The following PCDH11Y variants were observed in gnomAD, a reference collection of about 807,000 sequenced individuals.
PCDH11Y encodes the protein protocadherin-11 Y-linked.
For synonymous variants in PCDH11Y, 9 were observed against 83.6 expected, an observed-to-expected ratio of 0.11 and a Z score of 4.87; for missense variants, 12 against 224.8, an observed-to-expected ratio of 0.05 and a Z score of 6.05.
At chrY:5,639,515 G>A in intron 4 of PCDH11Y, among the ~76,000 whole-genome samples, 1 of 29,376 alleles carries the variant, frequency 3.4e-5, no homozygotes, top group Non-Finnish European at 8.1e-5. Flanking sequence ...CTTTTAAAAT[G>A]TATATACCTT....
At chrY:5,284,564 C>T (rs2124661105) in intron 2 of PCDH11Y, among the ~76,000 whole-genome samples, 2 of 32,562 alleles carry the variant, frequency 6.1e-5, no homozygotes, top group East Asian at 1.6e-3. Context: ...TATGTAGGTG[C>T]TTTCCTTGAT....
At chrY:5,077,036 C>T in intron 1 of PCDH11Y, among the ~76,000 whole-genome samples, 1 of 32,524 alleles carries the variant, frequency 3.1e-5, no homozygotes, top group Non-Finnish European at 7.6e-5. Flanking sequence ...TTTGATTCTT[C>T]TAATCTATGA....
chrY:5,015,197 T>G, intron 1 of PCDH11Y, among the ~76,000 whole-genome samples: 1 of 34,027 alleles, frequency 2.9e-5, no homozygotes, highest in African/African-American at 1.1e-4. Flanking sequence ...CAAACAACCC[T>G]GCGGATTAGC....
At chrY:5,663,885 A>G (rs2124707513) in intron 4 of PCDH11Y, among the ~76,000 whole-genome samples, 2 of 32,247 alleles carry the variant, frequency 6.2e-5, no homozygotes, top group South Asian at 1.4e-3. Context: ...TTTCATTTTA[A>G]CTCAGAAGGT....
intron 2 of PCDH11Y, among the ~76,000 whole-genome samples, chrY:5,180,988 G>A: frequency 3.0e-5 from 1 of 33,224 alleles, no homozygotes; most frequent in Non-Finnish European, 7.4e-5. Context: ...TTGTAGTCTT[G>A]TTTATGTAGT....
chrY:5,147,428 C>A, intron 2 of PCDH11Y, among the ~76,000 whole-genome samples: 3 of 30,108 alleles, frequency 1.0e-4, no homozygotes, highest in Non-Finnish European at 2.4e-4. Context: ...CAATTGAGTA[C>A]TATGCTCACT....
intron 2 of PCDH11Y, among the ~76,000 whole-genome samples, chrY:5,163,842 A>C: frequency 2.9e-5 from 1 of 34,163 alleles, no homozygotes; most frequent in African/African-American, 1.1e-4. Flanking sequence ...ACGCAAGAAC[A>C]GCCTTAACAC....
intron 3 of PCDH11Y, among the ~76,000 whole-genome samples, chrY:5,575,852 A>C: frequency 3.0e-5 from 1 of 32,902 alleles, no homozygotes; most frequent in Non-Finnish European, 7.5e-5. Flanking sequence ...ACGCTTTACA[A>C]ATCAATTTCA....
At chrY:5,026,776 C>A (rs2124620667) in intron 1 of PCDH11Y, among the ~76,000 whole-genome samples, 1 of 33,396 alleles carries the variant, frequency 3.0e-5, no homozygotes, top group South Asian at 6.5e-4. Context: ...CCCTTTTCAT[C>A]TAGATATTGC....
chrY:5,061,794 T>C, intron 1 of PCDH11Y, among the ~76,000 whole-genome samples: 1 of 33,130 alleles, frequency 3.0e-5, no homozygotes, highest in Admixed American at 2.8e-4. Flanking sequence ...TTAGTGATCC[T>C]ACTCAAGGCC....
intron 2 of PCDH11Y, among the ~76,000 whole-genome samples, chrY:5,475,672 C>T: frequency 6.3e-5 from 2 of 31,894 alleles, no homozygotes; most frequent in Non-Finnish European, 1.5e-4. Context: ...ATGCTTTCCT[C>T]ATATAATAGT....
intron 2 of PCDH11Y, among the ~76,000 whole-genome samples, chrY:5,295,705 T>C (rs2124662464): frequency 2.9e-5 from 1 of 33,933 alleles, no homozygotes; most frequent in African/African-American, 1.1e-4. Context: ...ATATGTGCCC[T>C]TTTTAGGCTA....
At chrY:5,310,841 TATATC>T (rs2053098758) in intron 2 of PCDH11Y, among the ~76,000 whole-genome samples, 1 of 32,944 alleles carries the variant, frequency 3.0e-5, no homozygotes, top group Non-Finnish European at 7.5e-5. Flanking sequence ...ATAATAAAGA[TATATC>T]ATTTCAGGAA....
chrY:5,335,311 G>A, intron 2 of PCDH11Y, among the ~76,000 whole-genome samples: 1 of 32,829 alleles, frequency 3.0e-5, no homozygotes, highest in Non-Finnish European at 7.5e-5. Flanking sequence ...AAAGGGGGAG[G>A]CAGGTTTGTG....
chrY:5,459,444 C>T (rs2124683672), intron 2 of PCDH11Y, among the ~76,000 whole-genome samples: 1 of 31,836 alleles, frequency 3.1e-5, no homozygotes, highest in South Asian at 7.0e-4. Context: ...ATAAACATAT[C>T]ATCTAACTCC....
At chrY:5,243,161 A>G in intron 2 of PCDH11Y, among the ~76,000 whole-genome samples, 1 of 34,004 alleles carries the variant, frequency 2.9e-5, no homozygotes. Context: ...GTATGTTCTG[A>G]TAAGTTTGTT....
intron 2 of PCDH11Y, among the ~76,000 whole-genome samples, chrY:5,437,314 T>C: frequency 3.0e-5 from 1 of 32,937 alleles, no homozygotes; most frequent in Non-Finnish European, 7.5e-5. Flanking sequence ...AAAGCTGTTG[T>C]TTTAAAATGG....
intron 2 of PCDH11Y, among the ~76,000 whole-genome samples, chrY:5,414,613 G>A: frequency 6.1e-5 from 2 of 32,948 alleles, no homozygotes; most frequent in Admixed American, 2.8e-4. Context: ...GGATACTACT[G>A]TGTTAATTTA....
At chrY:5,259,388 C>G in intron 2 of PCDH11Y, among the ~76,000 whole-genome samples, 1 of 31,290 alleles carries the variant, frequency 3.2e-5, no homozygotes, top group Non-Finnish European at 7.8e-5. Context: ...CTTCATCCTT[C>G]CTGTCTTACT....
Sources: allele counts gnomAD v4.1 joint callset (sites outside exome capture counted in the v4.1 genomes callset), GRCh38; gene constraint gnomAD v4.1.1; transcripts MANE v1.5; gene names NCBI Gene and HGNC (gene_info 2026-07-23, HGNC 2026-07-21).